Variants in NTNG1 observed in about 807,000 individuals in gnomAD.
The protein encoded by NTNG1 is netrin-G1.
A neutral mutation model predicts 54.0 loss-of-function variants in NTNG1; 16 were observed. That is an observed-to-expected ratio of 0.30 (90% CI 0.20 to 0.45). The LOEUF (loss-of-function observed/expected upper bound fraction) is 0.45. Ranked by LOEUF, NTNG1 falls within the 20% of genes least tolerant of loss-of-function variation. NTNG1 has a pLI of 1.00. For synonymous variants in NTNG1, 255 were observed against 263.1 expected, an observed-to-expected ratio of 0.97 and a Z score of 0.30; for missense variants, 530 against 678.7, an observed-to-expected ratio of 0.78 and a Z score of 2.43.
intron 2 of NTNG1, among the ~76,000 whole-genome samples, chr1:107,219,977 GT>G (rs1229224812): frequency 6.6e-6 from 1 of 152,182 alleles, no homozygotes; most frequent in Non-Finnish European, 1.5e-5. Flanking sequence ...TATGTCCTTT[GT>G]CTTTGGCTAC....
chr1:107,421,206 T>G, intron 5 of NTNG1: 1 of 1,156,316 alleles, frequency 8.6e-7, no homozygotes, highest in Non-Finnish European at 1.3e-6. Flanking sequence ...CATTGCACTG[T>G]ATGAATCTGG....
chr1:107,472,723 G>GT (rs775694415), intron 7 of NTNG1, among the ~76,000 whole-genome samples: 33 of 151,492 alleles, frequency 2.2e-4, no homozygotes, highest in East Asian at 1.9e-3. Context: ...AAGAAAAAAG[G>GT]TTTTTTTTTG....
chr1:107,293,053 T>G (rs924636588), intron 2 of NTNG1, among the ~76,000 whole-genome samples: 4 of 152,184 alleles, frequency 2.6e-5, no homozygotes. Context: ...ACAGATTCAC[T>G]GCTGATAACA....
intron 2 of NTNG1, among the ~76,000 whole-genome samples, chr1:107,290,994 CAT>C: frequency 2.1e-5 from 3 of 144,284 alleles, no homozygotes; most frequent in African/African-American, 8.1e-5. Flanking sequence ...TACACACACA[CAT>C]ACATACACAC....
At chr1:107,162,942 A>G (rs1482263941) in intron 2 of NTNG1, among the ~76,000 whole-genome samples, 2 of 152,188 alleles carry the variant, frequency 1.3e-5, no homozygotes, top group Non-Finnish European at 2.9e-5. Flanking sequence ...GGTGATGTGT[A>G]ACTGTAATAA....
chr1:107,441,531 T>C (rs1439592119), intron 7 of NTNG1, among the ~76,000 whole-genome samples: 1 of 152,122 alleles, frequency 6.6e-6, no homozygotes, highest in Non-Finnish European at 1.5e-5. Context: ...GGGAGACAGA[T>C]CACATCCTTT....
intron 3 of NTNG1, among the ~76,000 whole-genome samples, chr1:107,380,902 C>T (rs1328608863): frequency 6.6e-6 from 1 of 152,098 alleles, no homozygotes; most frequent in African/African-American, 2.4e-5. Flanking sequence ...AAATATTTAA[C>T]ACTTCTGTTA....
chr1:107,345,058 T>C (rs1362096670), intron 3 of NTNG1, among the ~76,000 whole-genome samples: 3 of 152,208 alleles, frequency 2.0e-5, no homozygotes, highest in Admixed American at 2.0e-4. Context: ...GTAATATTTT[T>C]GTCTTTCTAA....
chr1:107,283,658 T>G (rs1012798748), intron 2 of NTNG1, among the ~76,000 whole-genome samples: 1 of 152,162 alleles, frequency 6.6e-6, no homozygotes, highest in Non-Finnish European at 1.5e-5. Context: ...CCCAGAGACT[T>G]GGTATTTTTT....
At chr1:107,203,483 A>G (rs1658918304) in intron 2 of NTNG1, among the ~76,000 whole-genome samples, 1 of 151,514 alleles carries the variant, frequency 6.6e-6, no homozygotes, top group South Asian at 2.1e-4. Context: ...TTTTTTGTAG[A>G]TAAGCAGTTA....
chr1:107,242,248 A>G (rs1404271991), intron 2 of NTNG1, among the ~76,000 whole-genome samples: 11 of 152,164 alleles, frequency 7.2e-5, no homozygotes, highest in Non-Finnish European at 1.5e-4. Context: ...CCCAGGAGGC[A>G]AAGTTTGCCG....
chr1:107,436,940 A>G (rs1675637570), intron 7 of NTNG1, 141 bp downstream of exon 7: 3 of 710,672 alleles, frequency 4.2e-6, no homozygotes, highest in Admixed American at 3.6e-5. Context: ...GCTGCGGCCA[A>G]TGTATTGGGA....
chr1:107,156,403 A>G (rs1199031419), intron 2 of NTNG1, among the ~76,000 whole-genome samples: 1 of 152,212 alleles, frequency 6.6e-6, no homozygotes, highest in Non-Finnish European at 1.5e-5. Context: ...ATCTGTTTAG[A>G]TAAAAAAGGC....
chr1:107,291,496 T>C (rs921693706), intron 2 of NTNG1, among the ~76,000 whole-genome samples: 2 of 152,186 alleles, frequency 1.3e-5, no homozygotes, highest in Non-Finnish European at 2.9e-5. Flanking sequence ...TATGTAAATA[T>C]ATGCCTAGAC....
intron 2 of NTNG1, among the ~76,000 whole-genome samples, chr1:107,275,519 C>T (rs1296858280): frequency 6.6e-6 from 1 of 152,154 alleles, no homozygotes; most frequent in African/African-American, 2.4e-5. Flanking sequence ...TAGCTCCAGT[C>T]TGAGTCCAAA....
Position 107,369,420 on chromosome 1 carries a change from G to A in NTNG1, c.888-25734G>A, listed in dbSNP as rs183752919. On this transcript the variant is annotated intron_variant, in intron 3 of 7. Transcript: ENST00000370068. The stretch of plus-strand genomic sequence containing the variant: ...CCTTCACCAAATTTGGTGAGGGTCA[G>A]TCTTTTTAATTTTAGACACTTTAGT... Among the ~76,000 whole-genome samples, 4 of 152,230 alleles carry A rather than the reference G, an allele frequency of 2.6e-5. No homozygotes were observed. In the East Asian group the frequency reaches 5.8e-4, roughly 22 times the overall value.
chr1:107,253,818 C>A (rs1662762762), intron 2 of NTNG1, among the ~76,000 whole-genome samples: 1 of 152,182 alleles, frequency 6.6e-6, no homozygotes, highest in South Asian at 2.1e-4. Flanking sequence ...TCACACTTTC[C>A]TCTCGAAATT....
intron 2 of NTNG1, among the ~76,000 whole-genome samples, chr1:107,219,767 A>G (rs1028011358): frequency 1.3e-5 from 2 of 152,206 alleles, no homozygotes; most frequent in Non-Finnish European, 1.5e-5. Flanking sequence ...TCTCTCAGCC[A>G]TGGATACCAG....
chr1:107,204,154 G>A (rs903924965), intron 2 of NTNG1, among the ~76,000 whole-genome samples: 1 of 151,668 alleles, frequency 6.6e-6, no homozygotes, highest in Non-Finnish European at 1.5e-5. Flanking sequence ...TCCCCCTCTG[G>A]AATACATTTA....
Sources: allele counts gnomAD v4.1 joint callset (sites outside exome capture counted in the v4.1 genomes callset), GRCh38; gene constraint gnomAD v4.1.1; transcripts MANE v1.5; gene names NCBI Gene and HGNC (gene_info 2026-07-23, HGNC 2026-07-21).